The following NOD2 variants were observed in gnomAD, a reference collection of about 807,000 sequenced individuals.
NOD2 encodes nucleotide binding oligomerization domain containing 2, also known as nucleotide-binding oligomerization domain-containing protein 2.
Under a neutral mutation model 90.9 loss-of-function variants are expected in NOD2, and 86 were observed. The ratio of observed to expected loss-of-function variants is 0.95; its 90% CI spans 0.79 to 1.13. The LOEUF (loss-of-function observed/expected upper bound fraction) is 1.13, where lower values mean the gene tolerates loss of function less well. NOD2 is among the 50% of genes most tolerant of loss of function. The pLI is 0.00. For synonymous variants in NOD2, 581 were observed against 554.6 expected, an observed-to-expected ratio of 1.05 and a Z score of -0.67; for missense variants, 1,238 against 1,283.8, an observed-to-expected ratio of 0.96 and a Z score of 0.55.
Position 50,699,959 on chromosome 16 carries a change from G to T in NOD2, c.459+5G>T. The stretch of plus-strand genomic sequence containing the variant: ...ATCTTCACACCGTCCCAGAGGGTGA[G>T]GCACTCCTGGTGTGCATCACAGAGT... On this transcript the variant is annotated splice_donor_5th_base_variant and intron_variant, in intron 2 of 11. Transcript: ENST00000647318. 2 of 1,601,710 alleles carry T rather than the reference G, an allele frequency of 1.2e-6. No homozygotes were observed. Among genetic ancestry groups the T allele is most frequent in the Non-Finnish European group, 1.7e-6 (2 of 1,178,046 alleles).
chr16:50,719,195 G>T (rs578200132), intron 6 of NOD2, among the ~76,000 whole-genome samples: 1 of 152,190 alleles, frequency 6.6e-6, no homozygotes, highest in Non-Finnish European at 1.5e-5. Context: ...CCTGAAAGGC[G>T]AGTTCTCCTA....
intron 7 of NOD2, 79 bp from the exon 8 acceptor site, chr16:50,722,543 A>G: frequency 7.4e-7 from 1 of 1,343,118 alleles, no homozygotes; most frequent in Non-Finnish European, 1.1e-6. Flanking sequence ...CTGCAGAGGG[A>G]GGAGGACTGT....
Position 50,720,022 on chromosome 16 carries a change from CAGGA to C in NOD2, c.2633+17_2633+20del, listed in dbSNP as rs1410008315. 9.3e-6 allele frequency: 15 copies of C among 1,612,562 alleles called. 1 individual carries two copies. In the South Asian group the frequency reaches 1.6e-4, roughly 18 times the overall value. Reference sequence around the variant, plus strand: ...GCAGTTCCTGGGGTAGGTTGGATTCCAGGAAGAGGGACCTGCATGGAGGGGCTTG... The same window carrying C: ...GCAGTTCCTGGGGTAGGTTGGATTCCAGAGGGACCTGCATGGAGGGGCTTG... On this transcript the variant is annotated intron_variant, in intron 7 of 11. Transcript: ENST00000647318.
chr16:50,700,027 C>G (rs1963866287), intron 2 of NOD2, 73 bp downstream of exon 2: 2 of 1,414,544 alleles, frequency 1.4e-6, no homozygotes, highest in Admixed American at 1.8e-5. Context: ...GATTTGTCCT[C>G]ATGAAGTCAG....
chr16:50,708,275 GAT>G (rs1424017695), intron 3 of NOD2, among the ~76,000 whole-genome samples: 3 of 152,204 alleles, frequency 2.0e-5, no homozygotes, highest in African/African-American at 4.8e-5. Flanking sequence ...GTACCGAAAA[GAT>G]ATGGACACAT....
chr16:50,695,385 T>G (rs1596814737), intron 1 of NOD2, among the ~76,000 whole-genome samples: 2 of 152,012 alleles, frequency 1.3e-5, no homozygotes, highest in Non-Finnish European at 2.9e-5. Flanking sequence ...CTTCTGGAGG[T>G]TTGAAGCTGC....
intron 2 of NOD2, among the ~76,000 whole-genome samples, chr16:50,706,712 T>C (rs1252766514): frequency 6.6e-6 from 1 of 151,884 alleles, no homozygotes; most frequent in Non-Finnish European, 1.5e-5. Context: ...TTTTTTTTTT[T>C]TTGAGACCCA....
chr16:50,713,352 T>C (rs780746344), intron 4 of NOD2: 4 of 152,170 alleles, frequency 2.6e-5, no homozygotes, highest in South Asian at 2.1e-4. Context: ...ATACATCTTC[T>C]CTGGGGGCAA....
At chr16:50,717,939 C>T (rs1964873399) in intron 6 of NOD2, among the ~76,000 whole-genome samples, 1 of 152,188 alleles carries the variant, frequency 6.6e-6, no homozygotes, top group South Asian at 2.1e-4. Flanking sequence ...GAGTATCAAG[C>T]CCTACACATA....
intron 1 of NOD2, 57 bp from the exon 2 acceptor site, chr16:50,699,431 A>G: frequency 6.6e-7 from 1 of 1,515,738 alleles, no homozygotes; most frequent in Non-Finnish European, 9.1e-7. Flanking sequence ...GCCTTCCCTG[A>G]CCACCCTGCA....
rs761486886 is a variant in NOD2 at position 50,699,871 on chromosome 16, C to CA, written c.376_377insA (p.Leu126HisfsTer14). The stretch of plus-strand genomic sequence containing the variant: ...GCTCCACAGCCATGTGGAGAACATG[C>CA]TGGACCTGGCATGGGAGCGGGGTTT... On this transcript the variant is annotated frameshift_variant, in exon 2 of 12. Transcript: ENST00000647318. LOFTEE classifies it high-confidence loss of function. 1.2e-6 allele frequency: 2 copies of CA among 1,613,190 alleles called. No individual in the cohort carries two copies. The highest frequency in any genetic ancestry group is 2.7e-5 in the African/African-American group (2 of 74,928).
At position 50,711,036 on chromosome 16, in the gene NOD2, G is replaced by A. The variant is rs1964454498; in HGVS notation, c.1044G>A (p.Leu348=). 1.9e-6 allele frequency: 3 copies of A among 1,614,204 alleles called. No homozygotes were observed. Among genetic ancestry groups the A allele is most frequent in the South Asian group, 1.1e-5 (1 of 91,088 alleles). Residue 348 remains leucine, a synonymous_variant, in exon 4 of 12, where the codon CTG becomes CTA. Transcript: ENST00000647318. ...TCCTTGACCACCCTGACCGTGTCCT[G>A]TTAACCTTTGATGGCTTTGACGAGT... ...QLLLDHPDRV[L]LTFDGFDEFK...
intron 6 of NOD2, among the ~76,000 whole-genome samples, chr16:50,717,847 T>C (rs1384420520): frequency 6.6e-6 from 1 of 152,232 alleles, no homozygotes; most frequent in Non-Finnish European, 1.5e-5. Flanking sequence ...AAATGGAGGC[T>C]GAGTTTGTGG....
rs1470001868 is a variant in NOD2 at position 50,710,895 on chromosome 16, C to T, written c.903C>T (p.Val301=). Residue 301 remains valine, a synonymous_variant, in exon 4 of 12, where the codon GTC becomes GTT. Transcript: ENST00000647318. ...AGQDFQEFLF[V]FPFSCRQLQC... ...AAGACTTCCAGGAATTTCTCTTTGTCTTCCCATTCAGCTGCCGGCAGCTGC... is the reference window on the plus strand; with the variant it reads ...AAGACTTCCAGGAATTTCTCTTTGTTTTCCCATTCAGCTGCCGGCAGCTGC... The T allele has an allele frequency of 3.7e-6, 6 of 1,614,054 alleles. No homozygotes were observed. The highest frequency in any genetic ancestry group is 1.3e-5 in the African/African-American group (1 of 74,934).
chr16:50,695,935 A>G (rs1370627850), intron 1 of NOD2, among the ~76,000 whole-genome samples: 1 of 152,178 alleles, frequency 6.6e-6, no homozygotes, highest in African/African-American at 2.4e-5. Context: ...AAGGGAGCAG[A>G]TAAATGGGAT....
At chr16:50,725,597 A>G in intron 10 of NOD2, 25 bp downstream of exon 10, 2 of 1,570,804 alleles carry the variant, frequency 1.3e-6, no homozygotes, top group Non-Finnish European at 1.8e-6. Flanking sequence ...AGCAGGAAAC[A>G]GGACAATAAT....
At position 50,696,139 on chromosome 16, in the gene NOD2, G is replaced by C. The variant is rs188892430; in HGVS notation, c.-9+2477G>C. ...AGACTCAGGACACTTGGGAAGTTGA[G>C]CTTCCCTGGGCTTCCCCTCCTCTCC... On this transcript the variant is annotated intron_variant, in intron 1 of 11. Coordinates refer to ENST00000647318, the MANE Select transcript of NOD2 (RefSeq NM_001370466.1). Among the ~76,000 whole-genome samples the C allele has an allele frequency of 2.1e-3, 323 of 152,338 alleles. 3 individuals carry two copies. Among genetic ancestry groups the C allele is most frequent in the African/African-American group, 7.1e-3 (294 of 41,560 alleles).
chr16:50,723,154 A>AAG, intron 8 of NOD2, 147 bp from the exon 9 acceptor site: 7 of 630,896 alleles, frequency 1.1e-5, no homozygotes. Context: ...AAAAAAAAAA[A>AAG]GAAAAAAGAA....
chr16:50,730,388 A>G (rs943789581), intron 11 of NOD2, among the ~76,000 whole-genome samples: 9 of 152,204 alleles, frequency 5.9e-5, no homozygotes, highest in Non-Finnish European at 8.8e-5. Context: ...AGATTCTTTC[A>G]TTGCCTTAAA....
Sources: allele counts gnomAD v4.1 joint callset (sites outside exome capture counted in the v4.1 genomes callset), GRCh38; gene constraint gnomAD v4.1.1; transcripts MANE v1.5; gene names NCBI Gene and HGNC (gene_info 2026-07-23, HGNC 2026-07-21).